The following DAB1 variants were observed in gnomAD, a reference collection of about 807,000 sequenced individuals.
The protein encoded by DAB1 is disabled homolog 1.
DAB1 carries 15 observed loss-of-function variants against 64.6 expected under a neutral mutation model. The observed-to-expected ratio is 0.23, with a 90% CI of 0.16 to 0.36. DAB1 has a LOEUF of 0.36. DAB1 is among the 10% of genes least tolerant of loss of function. The probability of loss-of-function intolerance (pLI) is 1.00; values close to 1 mark genes in which losing one functional copy is unlikely to be tolerated. For synonymous variants in DAB1, 235 were observed against 251.9 expected (o/e 0.93, Z 0.64); for missense variants, 596 against 706.7 (o/e 0.84, Z 1.78).
chr1:58,375,987 T>TATA (rs1472298082), intron 3 of DAB1, among the ~76,000 whole-genome samples: 1 of 149,862 alleles, frequency 6.7e-6, no homozygotes, highest in African/African-American at 2.4e-5. Flanking sequence ...TTTGCAGTAT[T>TATA]CTCTGATGGT....
intron 7 of DAB1, among the ~76,000 whole-genome samples, chr1:57,441,242 A>ATCTTTTCTTTTCTTTTCTTT (rs10546051): frequency 2.1e-4 from 31 of 147,628 alleles, no homozygotes; most frequent in African/African-American, 7.5e-4. Flanking sequence ...CACAGGTACA[A>ATCTTTTCTTTTCTTTTCTTT]TCTTTTCTTT....
chr1:57,916,185 C>T (rs1403349664), intron 5 of DAB1, among the ~76,000 whole-genome samples: 3 of 152,192 alleles, frequency 2.0e-5, no homozygotes, highest in African/African-American at 7.2e-5. Flanking sequence ...TGGGCTGTAA[C>T]ACAGCCAAAC....
At chr1:57,166,502 A>C (rs891163866) in intron 2 of DAB1, among the ~76,000 whole-genome samples, 3 of 152,124 alleles carry the variant, frequency 2.0e-5, no homozygotes, top group African/African-American at 7.2e-5. Context: ...AGAACAATAG[A>C]AGTCATGGCC....
intron 7 of DAB1, among the ~76,000 whole-genome samples, chr1:57,544,124 T>C (rs12089332): frequency 0.01 from 1,594 of 151,972 alleles, 22 homozygotes; most frequent in African/African-American, 0.037. Context: ...AAAAATAAAA[T>C]AAAAAGAACA....
At chr1:57,303,954 C>G (rs1570223307) in intron 1 of DAB1, among the ~76,000 whole-genome samples, 1 of 152,302 alleles carries the variant, frequency 6.6e-6, no homozygotes, top group East Asian at 1.9e-4. Flanking sequence ...TGGGGGACTG[C>G]AACAAACAGC....
intron 6 of DAB1, among the ~76,000 whole-genome samples, chr1:57,773,925 A>G (rs1357039396): frequency 3.3e-5 from 5 of 152,002 alleles, no homozygotes; most frequent in African/African-American, 9.7e-5. Flanking sequence ...GAAATAAGGT[A>G]TCGTAAGTCC....
intron 3 of DAB1, among the ~76,000 whole-genome samples, chr1:58,422,300 T>C (rs1557755367): frequency 6.6e-6 from 1 of 151,878 alleles, no homozygotes; most frequent in Non-Finnish European, 1.5e-5. Flanking sequence ...CTCCATGTTA[T>C]CTAGTATTAG....
chr1:58,243,896 T>C (rs1660412097), intron 4 of DAB1, among the ~76,000 whole-genome samples: 2 of 152,146 alleles, frequency 1.3e-5, no homozygotes, highest in South Asian at 4.1e-4. Context: ...ATACTATGTC[T>C]TTTTAGACAA....
intron 1 of DAB1, chr1:58,530,708 GA>G (rs1217548694): frequency 2.3e-6 from 2 of 872,458 alleles, no homozygotes. Context: ...TCCAACAAAT[GA>G]ACCATGCCAG....
At chr1:57,115,045 C>T (rs1231210570) in intron 4 of DAB1, among the ~76,000 whole-genome samples, 7 of 152,140 alleles carry the variant, frequency 4.6e-5, no homozygotes, top group Admixed American at 4.6e-4. Context: ...CCTCAACACA[C>T]CCTAGTGCCA....
intron 1 of DAB1, among the ~76,000 whole-genome samples, chr1:57,367,942 C>T (rs965121385): frequency 7.2e-5 from 11 of 152,220 alleles, no homozygotes; most frequent in Non-Finnish European, 1.2e-4. Context: ...GCTGCAGCCG[C>T]CCAAACCACA....
At chr1:57,965,085 T>C (rs182217710) in intron 5 of DAB1, among the ~76,000 whole-genome samples, 1 of 81,676 alleles carries the variant, frequency 1.2e-5, no homozygotes, top group East Asian at 2.0e-4. Context: ...AGAGATATGG[T>C]AGGGTATTGA....
intron 5 of DAB1, among the ~76,000 whole-genome samples, chr1:57,890,553 C>G (rs1644296818): frequency 6.6e-6 from 1 of 151,312 alleles, no homozygotes; most frequent in African/African-American, 2.4e-5. Context: ...ACTCCCAGGC[C>G]CAAACAATCC....
chr1:57,691,034 T>A (rs1424914521), intron 6 of DAB1, among the ~76,000 whole-genome samples: 1 of 152,172 alleles, frequency 6.6e-6, no homozygotes, highest in Admixed American at 6.6e-5. Flanking sequence ...CCTTATATAT[T>A]AAGGTAATTA....
intron 4 of DAB1, among the ~76,000 whole-genome samples, chr1:58,305,060 A>C (rs1005315255): frequency 1.3e-5 from 2 of 152,058 alleles, no homozygotes; most frequent in East Asian, 1.9e-4. Context: ...GTGCAATCAT[A>C]GCACACTACA....
At chr1:57,418,897 A>G (rs755231039) in intron 1 of DAB1, among the ~76,000 whole-genome samples, 10 of 152,250 alleles carry the variant, frequency 6.6e-5, no homozygotes, top group African/African-American at 9.6e-5. Flanking sequence ...AAAAATAAAA[A>G]GAACATGTCA....
chr1:57,447,385 C>T (rs529525707), intron 7 of DAB1, among the ~76,000 whole-genome samples: 1 of 152,310 alleles, frequency 6.6e-6, no homozygotes, highest in South Asian at 2.1e-4. Context: ...TAAAGAACTT[C>T]TAAAGAGAGA....
chr1:57,900,990 G>C (rs1488989545), intron 5 of DAB1, among the ~76,000 whole-genome samples: 3 of 151,976 alleles, frequency 2.0e-5, no homozygotes, highest in African/African-American at 4.8e-5. Flanking sequence ...AATAATGTAT[G>C]GTGCAAGAAC....
intron 3 of DAB1, among the ~76,000 whole-genome samples, chr1:58,375,648 TTG>T (rs1334225996): frequency 2.1e-5 from 3 of 142,998 alleles, no homozygotes; most frequent in Non-Finnish European, 4.7e-5. Flanking sequence ...TTCTCTTTTT[TTG>T]GTTGTGTCTC....
Sources: allele counts gnomAD v4.1 joint callset (sites outside exome capture counted in the v4.1 genomes callset), GRCh38; gene constraint gnomAD v4.1.1; transcripts MANE v1.5; gene names NCBI Gene and HGNC (gene_info 2026-07-23, HGNC 2026-07-21).